The following PCDH15 variants were observed in gnomAD, a reference collection of about 807,000 sequenced individuals.
PCDH15 encodes the protein protocadherin related 15.
A neutral mutation model predicts 178.5 loss-of-function variants in PCDH15; 129 were observed. That is an observed-to-expected ratio of 0.72 (90% CI 0.63 to 0.84). The LOEUF is 0.84. Among genes scored for constraint, PCDH15 ranks in the 40% least tolerant of loss-of-function variants. The pLI is 0.00. For missense variants in PCDH15, 2,230 were observed against 2,099.9 expected (o/e 1.06, Z -1.21); for synonymous variants, 800 against 732.0 (o/e 1.09, Z -1.50).
At chr10:54,589,547 C>T (rs79165671) in intron 2 of PCDH15, among the ~76,000 whole-genome samples, 1 of 152,216 alleles carries the variant, frequency 6.6e-6, no homozygotes, top group East Asian at 1.9e-4. Context: ...TATTGTTTAT[C>T]ATTTATGTCT....
chr10:54,121,358 A>G (rs189348497), intron 15 of PCDH15, among the ~76,000 whole-genome samples: 1 of 152,150 alleles, frequency 6.6e-6, no homozygotes, highest in African/African-American at 2.4e-5. Context: ...TCTCAAATTA[A>G]TGATCTAACA....
At chr10:55,281,946 A>C (rs936047165) in intron 1 of PCDH15, among the ~76,000 whole-genome samples, 1 of 152,186 alleles carries the variant, frequency 6.6e-6, no homozygotes, top group Non-Finnish European at 1.5e-5. Context: ...CTTCTCAGAA[A>C]CAAACTCCTT....
At chr10:54,497,616 T>A (rs1204026048) in intron 3 of PCDH15, among the ~76,000 whole-genome samples, 1 of 151,942 alleles carries the variant, frequency 6.6e-6, no homozygotes, top group African/African-American at 2.4e-5. Context: ...CCTCTGGAAA[T>A]AAAAAGTTCA....
At chr10:54,697,682 A>AGG (rs1565970965) in intron 1 of PCDH15, among the ~76,000 whole-genome samples, 1 of 87,952 alleles carries the variant, frequency 1.1e-5, no homozygotes, top group Non-Finnish European at 2.2e-5. Context: ...AGGGGAAGGG[A>AGG]GGAAGGGAGG....
intron 2 of PCDH15, among the ~76,000 whole-genome samples, chr10:55,065,024 G>A (rs771684249): frequency 1.3e-5 from 2 of 151,972 alleles, no homozygotes; most frequent in South Asian, 4.1e-4. Flanking sequence ...CTGGATGAAA[G>A]ATGAAAATAT....
chr10:55,396,550 C>T (rs560507702), intron 2 of PCDH15, among the ~76,000 whole-genome samples: 6 of 152,146 alleles, frequency 3.9e-5, no homozygotes, highest in African/African-American at 1.2e-4. Context: ...TAATCGAGAC[C>T]GGTAGGATTG....
rs376951437 is a variant in PCDH15 at position 53,969,581 on chromosome 10, G to A, written c.2869-7689C>T. On this transcript the variant is annotated intron_variant, in intron 21 of 37. Coordinates refer to ENST00000644397, the MANE Select transcript of PCDH15 (RefSeq NM_001384140.1). ...TCAGATTCACCAAAGTTGAAATGAA[G>A]GAAAAAATATTAAGGGCAGCCAGAG... Among the ~76,000 whole-genome samples the A allele has an allele frequency of 1.7e-4, 26 of 152,234 alleles. No homozygotes were observed. In the South Asian group the frequency reaches 5.0e-3, roughly 29 times the overall value.
chr10:55,325,493 C>T (rs567700867), intron 2 of PCDH15, among the ~76,000 whole-genome samples: 13 of 152,060 alleles, frequency 8.5e-5, no homozygotes, highest in Admixed American at 1.3e-4. Context: ...CATTAGATAG[C>T]GCTAGGATAA....
chr10:54,352,489 A>G (rs190045035), intron 5 of PCDH15, among the ~76,000 whole-genome samples: 2 of 152,282 alleles, frequency 1.3e-5, no homozygotes, highest in East Asian at 3.9e-4. Flanking sequence ...TCTCCTACCC[A>G]GGAAAAATGG....
intron 2 of PCDH15, among the ~76,000 whole-genome samples, chr10:55,498,437 T>TA (rs1365211766): frequency 9.9e-5 from 15 of 151,816 alleles, no homozygotes; most frequent in African/African-American, 3.1e-4. Context: ...TTATTTCAAA[T>TA]AAAAAACTGT....
intron 1 of PCDH15, among the ~76,000 whole-genome samples, chr10:55,297,871 C>T (rs1843172756): frequency 6.6e-6 from 1 of 151,966 alleles, no homozygotes; most frequent in Admixed American, 6.6e-5. Context: ...AACTCCCCAC[C>T]CACTAGCAAT....
intron 8 of PCDH15, among the ~76,000 whole-genome samples, chr10:54,316,187 T>C (rs1157098101): frequency 6.6e-6 from 1 of 152,104 alleles, no homozygotes; most frequent in East Asian, 1.9e-4. Flanking sequence ...ACTGGACCAG[T>C]GATCATTGCT....
chr10:54,698,632 A>T (rs1294756808), intron 1 of PCDH15, among the ~76,000 whole-genome samples: 1 of 152,130 alleles, frequency 6.6e-6, no homozygotes, highest in African/African-American at 2.4e-5. Context: ...TTGATCAATT[A>T]CTTAACCTTT....
intron 10 of PCDH15, among the ~76,000 whole-genome samples, chr10:54,202,328 A>C (rs2050318419): frequency 6.6e-6 from 1 of 152,070 alleles, no homozygotes; most frequent in Non-Finnish European, 1.5e-5. Context: ...GAAGAGAAAA[A>C]AAAAAGAGGG....
At chr10:55,432,262 A>C (rs1838900018) in intron 2 of PCDH15, among the ~76,000 whole-genome samples, 1 of 152,236 alleles carries the variant, frequency 6.6e-6, no homozygotes, top group Non-Finnish European at 1.5e-5. Flanking sequence ...AAATCAGAAC[A>C]ATCTGTGTTT....
chr10:55,076,750 G>T (rs964249428), intron 2 of PCDH15, among the ~76,000 whole-genome samples: 20 of 145,996 alleles, frequency 1.4e-4, no homozygotes, highest in African/African-American at 5.0e-4. Flanking sequence ...GAGCCATCAT[G>T]TGTGGCCTGT....
chr10:53,853,646 T>C (rs2078540211), intron 28 of PCDH15, among the ~76,000 whole-genome samples: 1 of 152,046 alleles, frequency 6.6e-6, no homozygotes. Context: ...TGATATACAA[T>C]GGCCAATAGC....
intron 2 of PCDH15, among the ~76,000 whole-genome samples, chr10:55,008,891 C>A (rs113084641): frequency 5.0e-3 from 324 of 64,942 alleles, no homozygotes; most frequent in Non-Finnish European, 7.7e-3. Flanking sequence ...GTTTAAAAAA[C>A]AAAAACAAAA....
intron 2 of PCDH15, among the ~76,000 whole-genome samples, chr10:55,385,778 G>T (rs1475420733): frequency 7.3e-6 from 1 of 137,154 alleles, no homozygotes; most frequent in African/African-American, 2.9e-5. Flanking sequence ...TACGTATATA[G>T]ATATGCATAT....
Sources: gnomAD v4.1 joint callset for allele counts (sites outside exome capture counted in the v4.1 genomes callset) on GRCh38, gnomAD v4.1.1 for gene constraint, MANE v1.5 for transcripts, NCBI Gene and HGNC (gene_info 2026-07-23, HGNC 2026-07-21) for gene names.